Variants in RANBP9 observed in about 807,000 individuals in gnomAD.
The protein encoded by RANBP9 is ran-binding protein 9.
In RANBP9, 15 loss-of-function variants were observed where a neutral mutation model predicts 84.3. That is an observed-to-expected ratio of 0.18 (90% CI 0.12 to 0.27). The LOEUF (loss-of-function observed/expected upper bound fraction) is 0.27, where lower values mean the gene tolerates loss of function less well. Among genes scored for constraint, RANBP9 ranks in the 10% least tolerant of loss-of-function variants. The pLI is 1.00. For synonymous variants in RANBP9, 392 were observed against 349.6 expected (o/e 1.12, Z -1.35); for missense variants, 809 against 912.8 (o/e 0.89, Z 1.46).
chr6:13,697,956 TG>T lies in RANBP9; in HGVS notation c.572-1061del, dbSNP rs560040652. On this transcript the variant is annotated intron_variant, in intron 1 of 13. Coordinates refer to ENST00000011619, the MANE Select transcript of RANBP9 (RefSeq NM_005493.3). The stretch of plus-strand genomic sequence containing the variant: ...GCAGAATTCTCCTTAAATTTATGAT[TG>T]TTTTAAAACTAAATACCTTCTTGTA... Among the ~76,000 whole-genome samples the T allele has an allele frequency of 7.2e-5, 11 of 152,362 alleles. No homozygotes were observed. The South Asian group carries it at 2.3e-3, about 32-fold the overall frequency.
intron 2 of RANBP9, among the ~76,000 whole-genome samples, chr6:13,683,538 C>T (rs901973546): frequency 1.3e-5 from 2 of 152,024 alleles, no homozygotes; most frequent in South Asian, 2.1e-4. Context: ...TCTCATGTGA[C>T]TCAAATACAT....
chr6:13,641,031 C>A (rs1765050885), intron 8 of RANBP9, among the ~76,000 whole-genome samples, 168 bp downstream of exon 8: 1 of 151,980 alleles, frequency 6.6e-6, no homozygotes, highest in Non-Finnish European at 1.5e-5. Context: ...TGGTCCTTAA[C>A]ACAAAAGTAT....
At chr6:13,710,826 G>A (rs1344890832) in intron 1 of RANBP9, 109 bp downstream of exon 1, 1 of 1,258,244 alleles carries the variant, frequency 7.9e-7, no homozygotes, top group Non-Finnish European at 1.1e-6. Context: ...TGGCCTCCGA[G>A]GGCAGAGCCC....
rs192775895 is a variant in RANBP9, at chr6:13,706,744, G to C, written c.571+4191C>G. ...AGGCCAGGCGCAGTGGCTCATGCCT[G>C]TAATCCCGGCATTTTGGGAGGCCGA... On this transcript the variant is annotated intron_variant, in intron 1 of 13. Transcript: ENST00000011619. 5.3e-5 allele frequency among the ~76,000 whole-genome samples: 8 copies of C among 151,666 alleles called. No homozygotes were observed. The East Asian group carries it at 1.6e-3, about 29-fold the overall frequency.
At chr6:13,691,033 G>T (rs548844408) in intron 2 of RANBP9, among the ~76,000 whole-genome samples, 2 of 151,982 alleles carry the variant, frequency 1.3e-5, no homozygotes, top group South Asian at 4.2e-4. Context: ...TGGGTGCGGT[G>T]GGGCATACCT....
chr6:13,627,488 G>A (rs1764642158), intron 12 of RANBP9, among the ~76,000 whole-genome samples: 1 of 151,678 alleles, frequency 6.6e-6, no homozygotes, highest in Non-Finnish European at 1.5e-5. Context: ...AAATTAGTCA[G>A]GCATGGTGGT....
intron 13 of RANBP9, among the ~76,000 whole-genome samples, chr6:13,622,795 A>G (rs1764489010): frequency 6.6e-6 from 1 of 152,202 alleles, no homozygotes; most frequent in African/African-American, 2.4e-5. Context: ...TTTTTATCTG[A>G]TATTTGGAGT....
At chr6:13,686,113 C>G (rs1766175417) in intron 2 of RANBP9, among the ~76,000 whole-genome samples, 1 of 1,960 alleles carries the variant, frequency 5.1e-4, no homozygotes, top group South Asian at 0.045. Flanking sequence ...CCCCCCCCCC[C>G]CCGCCCCCCG....
intron 2 of RANBP9, among the ~76,000 whole-genome samples, chr6:13,667,593 T>C (rs1765681247): frequency 6.6e-6 from 1 of 152,214 alleles, no homozygotes; most frequent in Non-Finnish European, 1.5e-5. Context: ...TTAAATCTTT[T>C]ATACCACACA....
At chr6:13,683,418 TG>T (rs1352460093) in intron 2 of RANBP9, among the ~76,000 whole-genome samples, 1 of 152,208 alleles carries the variant, frequency 6.6e-6, no homozygotes, top group African/African-American at 2.4e-5. Context: ...TTATATGACA[TG>T]GGTGTCTTTA....
At chr6:13,677,779 G>C (rs533190292) in intron 2 of RANBP9, among the ~76,000 whole-genome samples, 5 of 152,104 alleles carry the variant, frequency 3.3e-5, no homozygotes, top group Admixed American at 2.6e-4. Context: ...ATACCAACTG[G>C]TGATTCACAT....
chr6:13,625,805 C>G, intron 12 of RANBP9, 41 bp from the exon 13 acceptor site: 4 of 1,338,198 alleles, frequency 3.0e-6, no homozygotes, highest in Non-Finnish European at 4.3e-6. Flanking sequence ...TCAAATAGTT[C>G]AACTATTATG....
intron 2 of RANBP9, among the ~76,000 whole-genome samples, chr6:13,694,964 A>G (rs980134364): frequency 6.6e-6 from 1 of 152,234 alleles, no homozygotes; most frequent in Non-Finnish European, 1.5e-5. Context: ...TTATATGACT[A>G]TACATGTTTG....
intron 11 of RANBP9, 86 bp downstream of exon 11, chr6:13,634,345 C>A: frequency 6.8e-7 from 1 of 1,469,734 alleles, no homozygotes; most frequent in South Asian, 1.3e-5. Context: ...CTGGTTTATG[C>A]TCATCAGCTG....
chr6:13,677,946 C>T (rs1017114952), intron 2 of RANBP9, among the ~76,000 whole-genome samples: 2 of 151,878 alleles, frequency 1.3e-5, no homozygotes, highest in Non-Finnish European at 2.9e-5. Flanking sequence ...GGCAAAACCC[C>T]GTCTCTACAT....
chr6:13,675,315 A>T (rs961680974), intron 2 of RANBP9, among the ~76,000 whole-genome samples: 3 of 152,242 alleles, frequency 2.0e-5, no homozygotes, highest in African/African-American at 7.2e-5. Flanking sequence ...ATGCTCTCAG[A>T]CTTTAATAGA....
At chr6:13,706,522 C>T (rs527530202) in intron 1 of RANBP9, among the ~76,000 whole-genome samples, 8 of 150,618 alleles carry the variant, frequency 5.3e-5, no homozygotes, top group Non-Finnish European at 1.0e-4. Context: ...TTGAAACCTC[C>T]CCTCTACTAA....
intron 12 of RANBP9, among the ~76,000 whole-genome samples, chr6:13,629,874 A>ATC (rs370810603): frequency 3.6e-5 from 5 of 137,620 alleles, no homozygotes; most frequent in Admixed American, 3.6e-4. Flanking sequence ...AAATCTCTCA[A>ATC]TCTCTCTCTC....
At position 13,641,278 on chromosome 6, in the gene RANBP9, T is replaced by C. The variant is rs1241579102; in HGVS notation, c.1255A>G (p.Met419Val). 1 of 1,603,236 alleles carries C rather than the reference T, an allele frequency of 6.2e-7. No individual in the cohort carries two copies. The highest frequency in any genetic ancestry group is 1.1e-5 in the South Asian group (1 of 88,336). The change falls in exon 8 of 14, where the codon ATG becomes GTG. Residue 419 changes from methionine to valine, a missense_variant. Met to Val is a conservative substitution (Grantham distance 21). Coordinates refer to ENST00000011619, the MANE Select transcript of RANBP9 (RefSeq NM_005493.3). ...RIQKLVLAGRMGEAIETTQQL... is the reference protein window; with the variant it reads ...RIQKLVLAGRVGEAIETTQQL... ...TGTGTTGTTTCAATGGCTTCTCCCA[T>C]TCTTCCTGCTAATACCAATTTCTGA...
Sources: gnomAD v4.1 joint callset for allele counts (sites outside exome capture counted in the v4.1 genomes callset) on GRCh38, gnomAD v4.1.1 for gene constraint, MANE v1.5 for transcripts, NCBI Gene and HGNC (gene_info 2026-07-23, HGNC 2026-07-21) for gene names.